The following KIAA1549L variants were observed in gnomAD, a reference collection of about 807,000 sequenced individuals.
KIAA1549L encodes the protein UPF0606 protein KIAA1549L.
KIAA1549L carries 88 observed loss-of-function variants against 160.7 expected under a neutral mutation model. That is an observed-to-expected ratio of 0.55 (90% CI 0.46 to 0.65). The LOEUF is 0.65. Ranked by LOEUF, KIAA1549L falls within the 30% of genes least tolerant of loss-of-function variation. The pLI, the probability that KIAA1549L is intolerant of heterozygous loss-of-function variation, is 0.00. For synonymous variants in KIAA1549L, 950 were observed against 976.7 expected (o/e 0.97, Z 0.51); for missense variants, 2,258 against 2,437.5 (o/e 0.93, Z 1.55).
chr11:33,518,324 A>G (rs1853402658), intron 1 of KIAA1549L, among the ~76,000 whole-genome samples: 1 of 152,120 alleles, frequency 6.6e-6, no homozygotes, highest in Non-Finnish European at 1.5e-5. Context: ...TGAGGCTTAG[A>G]TAAAGTGATT....
chr11:33,558,441 C>T (rs943547624), intron 6 of KIAA1549L, among the ~76,000 whole-genome samples: 19 of 152,132 alleles, frequency 1.2e-4, no homozygotes, highest in Non-Finnish European at 2.8e-4. Flanking sequence ...TCCCTCTCTC[C>T]CATATCCTCC....
intron 1 of KIAA1549L, among the ~76,000 whole-genome samples, chr11:33,406,086 C>CA (rs1850644834): frequency 6.6e-6 from 1 of 152,090 alleles, no homozygotes; most frequent in Non-Finnish European, 1.5e-5. Flanking sequence ...CTACAACAGT[C>CA]AAAGAATGAA....
chr11:33,547,712 T>C, intron 3 of KIAA1549L, 52 bp from the exon 4 acceptor site: 1 of 1,144,442 alleles, frequency 8.7e-7, no homozygotes, highest in Non-Finnish European at 1.3e-6. Flanking sequence ...GGCAAGTGAA[T>C]GATGAGGTTT....
rs1346966477 is a variant in KIAA1549L at position 33,470,636 on chromosome 11, T to TC, written c.239-71165dup. Among the ~76,000 whole-genome samples the TC allele has an allele frequency of 7.2e-5, 11 of 152,200 alleles. No homozygotes were observed. In the South Asian group the frequency reaches 1.5e-3, roughly 20 times the overall value. On this transcript the variant is annotated intron_variant, in intron 1 of 20. Transcript: ENST00000658780. The stretch of plus-strand genomic sequence containing the variant: ...TTGTTTTTTGGTAGAGATGGGGGTT[T>TC]CACCATGTTGCCAAGGCTGGTCTTG...
chr11:33,535,185 A>G (rs973592178), intron 1 of KIAA1549L, among the ~76,000 whole-genome samples: 2 of 152,144 alleles, frequency 1.3e-5, no homozygotes, highest in African/African-American at 4.8e-5. Flanking sequence ...TATCAGCTCT[A>G]AGAGGCTGTT....
intron 1 of KIAA1549L, among the ~76,000 whole-genome samples, chr11:33,418,746 A>G (rs1265678381): frequency 6.6e-6 from 1 of 152,200 alleles, no homozygotes; most frequent in African/African-American, 2.4e-5. Context: ...GACCCCAGAA[A>G]GCAGCCTGAC....
At chr11:33,465,754 T>C (rs977360424) in intron 1 of KIAA1549L, among the ~76,000 whole-genome samples, 12 of 152,204 alleles carry the variant, frequency 7.9e-5, no homozygotes. Context: ...AAGGATTCCC[T>C]ATTTAATAGA....
intron 8 of KIAA1549L, among the ~76,000 whole-genome samples, chr11:33,566,989 A>G (rs1361540872): frequency 6.6e-6 from 1 of 152,218 alleles, no homozygotes; most frequent in African/African-American, 2.4e-5. Flanking sequence ...TTTGGGGTGA[A>G]GAATGTTTCC....
intron 1 of KIAA1549L, among the ~76,000 whole-genome samples, chr11:33,520,743 CCTCTCT>C: frequency 9.8e-6 from 1 of 101,902 alleles, no homozygotes; most frequent in Admixed American, 1.1e-4. Context: ...ACACACACTC[CCTCTCT>C]CTCCCCCTCT....
In KIAA1549L at chr11:33,435,790, A is replaced by ATGTGTG. The variant is rs1210337486; in HGVS notation, c.238+58902_238+58903insGTGTGT. 1.1e-3 allele frequency among the ~76,000 whole-genome samples: 29 copies of ATGTGTG among 26,100 alleles called. 3 individuals are homozygous for ATGTGTG. Among genetic ancestry groups the ATGTGTG allele is most frequent in the Non-Finnish European group, 2.1e-3 (28 of 13,464 alleles). The allele number at this position is 26,100 out of a possible 152,430, so 17.1% of individuals were successfully genotyped here. The stretch of plus-strand genomic sequence containing the variant: ...TATATATATATATATATATATATAT[A>ATGTGTG]TATATATATATATATATATATGTGT... On this transcript the variant is annotated intron_variant, in intron 1 of 20. Coordinates refer to ENST00000658780, the MANE Select transcript of KIAA1549L (RefSeq NM_012194.3).
chr11:33,647,210 C>T (rs1055882208), intron 17 of KIAA1549L, among the ~76,000 whole-genome samples: 1 of 151,976 alleles, frequency 6.6e-6, no homozygotes, highest in African/African-American at 2.4e-5. Context: ...CGTGGTGAAA[C>T]CCCATCTAAA....
chr11:33,491,336 A>G (rs1227808088), intron 1 of KIAA1549L, among the ~76,000 whole-genome samples: 4 of 152,192 alleles, frequency 2.6e-5, no homozygotes, highest in Non-Finnish European at 5.9e-5. Context: ...TTCACATGGC[A>G]CTACAGTATG....
intron 17 of KIAA1549L, among the ~76,000 whole-genome samples, chr11:33,649,224 T>G (rs1218351091): frequency 1.3e-5 from 2 of 151,878 alleles, no homozygotes; most frequent in Non-Finnish European, 2.9e-5. Flanking sequence ...ATAAGGAAGC[T>G]TACCCAAGGC....
At chr11:33,605,646 CAAT>C (rs1157090856) in intron 13 of KIAA1549L, among the ~76,000 whole-genome samples, 1 of 152,100 alleles carries the variant, frequency 6.6e-6, no homozygotes, top group Non-Finnish European at 1.5e-5. Context: ...ATGTGTTTCT[CAAT>C]AATTTAAATA....
At chr11:33,402,405 T>C (rs770759325) in intron 1 of KIAA1549L, among the ~76,000 whole-genome samples, 2 of 152,192 alleles carry the variant, frequency 1.3e-5, no homozygotes, top group Non-Finnish European at 2.9e-5. Flanking sequence ...CTGTGGTCTC[T>C]CATCTGGATG....
chr11:33,532,645 G>A (rs939219545), intron 1 of KIAA1549L, among the ~76,000 whole-genome samples: 9 of 152,214 alleles, frequency 5.9e-5, no homozygotes, highest in African/African-American at 2.2e-4. Flanking sequence ...CTGATCAAAA[G>A]CTGCAGATAT....
intron 9 of KIAA1549L, 34 bp from the exon 10 acceptor site, chr11:33,574,668 C>A: frequency 6.3e-7 from 1 of 1,589,150 alleles, no homozygotes. Context: ...ATGCAAAATG[C>A]CCTGCAAACA....
In KIAA1549L at chr11:33,523,742, G is replaced by A. The variant is rs111598478; in HGVS notation, c.239-18060G>A. 2.6e-5 allele frequency among the ~76,000 whole-genome samples: 4 copies of A among 152,122 alleles called. 1 individual carries two copies. Among genetic ancestry groups the A allele is most frequent in the African/African-American group, 9.6e-5 (4 of 41,518 alleles). On this transcript the variant is annotated intron_variant, in intron 1 of 20. Transcript: ENST00000658780. ...TGTATGTGCTTATGTTGACTGTTGT[G>A]GACTTGATAAAATTATTACGTATTA...
chr11:33,378,420 C>T (rs550240651), intron 1 of KIAA1549L, among the ~76,000 whole-genome samples: 293 of 131,046 alleles, frequency 2.2e-3, no homozygotes, highest in African/African-American at 7.3e-3. Flanking sequence ...TTCCTTGGCT[C>T]CTCTTTCAGA....
Sources: allele counts gnomAD v4.1 joint callset (sites outside exome capture counted in the v4.1 genomes callset), GRCh38; gene constraint gnomAD v4.1.1; transcripts MANE v1.5; gene names NCBI Gene and HGNC (gene_info 2026-07-23, HGNC 2026-07-21).